MAGI2: variants seen among roughly 807,000 people sequenced by gnomAD.
MAGI2 encodes membrane-associated guanylate kinase, WW and PDZ domain-containing protein 2.
In MAGI2, 35 loss-of-function variants were observed where a neutral mutation model predicts 133.3. The ratio of observed to expected loss-of-function variants is 0.26; its 90% CI spans 0.20 to 0.35. MAGI2 has a LOEUF of 0.35. Among genes scored for constraint, MAGI2 ranks in the 10% least tolerant of loss-of-function variants. The probability of loss-of-function intolerance (pLI) is 1.00; values close to 1 mark genes in which losing one functional copy is unlikely to be tolerated. For missense variants in MAGI2, 1,636 were observed against 1,863.4 expected, an observed-to-expected ratio of 0.88 and a Z score of 2.25; for synonymous variants, 729 against 710.6, an observed-to-expected ratio of 1.03 and a Z score of -0.41.
intron 1 of MAGI2, among the ~76,000 whole-genome samples, chr7:79,048,946 CAAAAT>C (rs1812425622): frequency 6.6e-6 from 1 of 152,070 alleles, no homozygotes; most frequent in Admixed American, 6.6e-5. Context: ...TGTAGATTAC[CAAAAT>C]AAAATAATAA....
intron 2 of MAGI2, among the ~76,000 whole-genome samples, chr7:78,696,120 T>C (rs1481002890): frequency 6.6e-6 from 1 of 152,088 alleles, no homozygotes; most frequent in Non-Finnish European, 1.5e-5. Flanking sequence ...ATTTTTGTTT[T>C]GTAGAAAGAG....
At position 79,302,355 on chromosome 7, in the gene MAGI2, T is replaced by A. The variant is rs114241062; in HGVS notation, c.301+150665A>T. 3.3e-3 allele frequency among the ~76,000 whole-genome samples: 502 copies of A among 152,238 alleles called. 2 individuals carry two copies. Among genetic ancestry groups the A allele is most frequent in the African/African-American group, 0.012 (484 of 41,556 alleles). On this transcript the variant is annotated intron_variant, in intron 1 of 21. Transcript: ENST00000354212. ...TATATAGGGGAAATAATGAATAATATCTCCAGCAGCATTTCACAGCTAACA... is the reference window on the plus strand; with the variant it reads ...TATATAGGGGAAATAATGAATAATAACTCCAGCAGCATTTCACAGCTAACA...
chr7:79,027,261 T>A (rs1282239772), intron 1 of MAGI2, among the ~76,000 whole-genome samples: 1 of 151,896 alleles, frequency 6.6e-6, no homozygotes, highest in African/African-American at 2.4e-5. Flanking sequence ...GAAGCAGCAT[T>A]CACAATAGCC....
At chr7:78,061,310 CG>C (rs1563068940) in intron 21 of MAGI2, among the ~76,000 whole-genome samples, 1 of 151,094 alleles carries the variant, frequency 6.6e-6, no homozygotes, top group African/African-American at 2.4e-5. Flanking sequence ...CTGTCTAATC[CG>C]GGGGAGTGGG....
rs181832403 is a variant in MAGI2, at chr7:78,720,957, T to A, written c.419-93718A>T. Among the ~76,000 whole-genome samples, 3 of 152,182 alleles carry A rather than the reference T, an allele frequency of 2.0e-5. No homozygotes were observed. In the East Asian group the frequency reaches 5.8e-4, roughly 29 times the overall value. ...AATGCCACACAGTATGTAAGGAGAA[T>A]CGCAACATAATTGATTGAAATCTGA... On this transcript the variant is annotated intron_variant, in intron 2 of 21. Transcript: ENST00000354212.
At chr7:79,409,003 G>A (rs1344809741) in intron 1 of MAGI2, among the ~76,000 whole-genome samples, 2 of 152,056 alleles carry the variant, frequency 1.3e-5, no homozygotes, top group Admixed American at 6.6e-5. Flanking sequence ...CTCATAGATG[G>A]AACTTGATTT....
intron 21 of MAGI2, among the ~76,000 whole-genome samples, chr7:78,071,273 T>G (rs929065119): frequency 1.3e-5 from 2 of 152,010 alleles, no homozygotes; most frequent in African/African-American, 2.4e-5. Context: ...TGGTGGCTCA[T>G]GCCTGTAATC....
intron 1 of MAGI2, among the ~76,000 whole-genome samples, chr7:79,285,495 C>A (rs553054827): frequency 2.0e-5 from 3 of 152,084 alleles, no homozygotes; most frequent in Non-Finnish European, 4.4e-5. Flanking sequence ...TTTAAAACAG[C>A]CTTCAAACAC....
chr7:78,976,353 A>G (rs1231416197), intron 2 of MAGI2, among the ~76,000 whole-genome samples: 1 of 151,554 alleles, frequency 6.6e-6, no homozygotes, highest in Non-Finnish European at 1.5e-5. Context: ...TTATGATGGA[A>G]AAGCATTTGA....
chr7:79,443,509 G>A (rs562910370), intron 1 of MAGI2, among the ~76,000 whole-genome samples: 1 of 152,212 alleles, frequency 6.6e-6, no homozygotes, highest in African/African-American at 2.4e-5. Flanking sequence ...CAGCTAATCA[G>A]ATTTGACAAG....
rs1001256641 is a variant in MAGI2 at position 79,226,286 on chromosome 7, T to C, written c.302-219080A>G. Among the ~76,000 whole-genome samples the C allele has an allele frequency of 2.0e-5, 3 of 152,240 alleles. No homozygotes were observed. In the East Asian group the frequency reaches 5.8e-4, roughly 29 times the overall value. Reference sequence around the variant, plus strand: ...CATCAAGATAGTTACAGTTTCCAATTATAACATTATCAGTCCTTCCATTTT... The same window carrying C: ...CATCAAGATAGTTACAGTTTCCAATCATAACATTATCAGTCCTTCCATTTT... On this transcript the variant is annotated intron_variant, in intron 1 of 21. Coordinates refer to ENST00000354212, the MANE Select transcript of MAGI2 (RefSeq NM_012301.4).
chr7:79,433,403 A>G (rs1431401939), intron 1 of MAGI2, among the ~76,000 whole-genome samples: 1 of 152,012 alleles, frequency 6.6e-6, no homozygotes, highest in Admixed American at 6.6e-5. Context: ...AATACAAAAA[A>G]TTAGCCGGGC....
intron 2 of MAGI2, among the ~76,000 whole-genome samples, chr7:78,990,024 A>G (rs895505890): frequency 6.6e-6 from 1 of 152,086 alleles, no homozygotes; most frequent in Non-Finnish European, 1.5e-5. Flanking sequence ...ATCTTCCTAA[A>G]ATACATGTTT....
In MAGI2 at chr7:78,885,021, C is replaced by G. The variant is rs779548752; in HGVS notation, c.418+122069G>C. Among the ~76,000 whole-genome samples the G allele has an allele frequency of 1.4e-4, 21 of 152,118 alleles. 1 individual carries two copies. Among genetic ancestry groups the G allele is most frequent in the Non-Finnish European group, 2.9e-5 (2 of 68,022 alleles). On this transcript the variant is annotated intron_variant, in intron 2 of 21. Transcript: ENST00000354212. ...TCCATTTGCAGCAACATGGATGCAACTGGAGGCCATCATCCTAAATGACTT... is the reference window on the plus strand; with the variant it reads ...TCCATTTGCAGCAACATGGATGCAAGTGGAGGCCATCATCCTAAATGACTT...
chr7:78,305,647 C>G (rs936306780), intron 9 of MAGI2, among the ~76,000 whole-genome samples: 3 of 152,086 alleles, frequency 2.0e-5, no homozygotes, highest in African/African-American at 7.2e-5. Flanking sequence ...CTCCAACCTC[C>G]TATGCAAGGG....
At chr7:78,107,848 T>A (rs1818849761) in intron 20 of MAGI2, among the ~76,000 whole-genome samples, 1 of 114,482 alleles carries the variant, frequency 8.7e-6, no homozygotes, top group Non-Finnish European at 2.0e-5. Context: ...ATGTCTCCTT[T>A]TTCATCTCTG....
At chr7:78,582,394 A>C (rs1411346323) in intron 3 of MAGI2, among the ~76,000 whole-genome samples, 1 of 152,232 alleles carries the variant, frequency 6.6e-6, no homozygotes, top group Non-Finnish European at 1.5e-5. Context: ...TAAAATTGTT[A>C]TGCAATATAA....
At position 79,071,270 on chromosome 7, in the gene MAGI2, G is replaced by A. The variant is rs550170011; in HGVS notation, c.302-64064C>T. On this transcript the variant is annotated intron_variant, in intron 1 of 21. Coordinates refer to ENST00000354212, the MANE Select transcript of MAGI2 (RefSeq NM_012301.4). ...AGACCCTGTTTGCCTGGGTATCACT[G>A]GTGGAGGCTGCAGAACAGCAAAGAT... Among the ~76,000 whole-genome samples the A allele has an allele frequency of 1.1e-3, 160 of 152,296 alleles. 1 individual carries two copies. The highest frequency in any genetic ancestry group is 3.7e-3 in the African/African-American group (154 of 41,564).
intron 1 of MAGI2, among the ~76,000 whole-genome samples, chr7:79,192,031 A>C (rs555206920): frequency 6.6e-6 from 1 of 151,798 alleles, no homozygotes; most frequent in East Asian, 1.9e-4. Flanking sequence ...ATCTTTTTGC[A>C]TGTACATAGA....
Sources: allele counts gnomAD v4.1 joint callset (sites outside exome capture counted in the v4.1 genomes callset), GRCh38; gene constraint gnomAD v4.1.1; transcripts MANE v1.5; gene names NCBI Gene and HGNC (gene_info 2026-07-23, HGNC 2026-07-21).